EPHA7: variants seen among roughly 807,000 people sequenced by gnomAD.
The protein encoded by EPHA7 is ephrin type-A receptor 7.
A neutral mutation model predicts 112.6 loss-of-function variants in EPHA7; 25 were observed. The ratio of observed to expected loss-of-function variants is 0.22; its 90% confidence interval spans 0.16 to 0.31. The LOEUF is 0.31. EPHA7 is among the 10% of genes least tolerant of loss of function. The pLI, the probability that EPHA7 is intolerant of heterozygous loss-of-function variation, is 1.00. For synonymous variants in EPHA7, 437 were observed against 406.5 expected (o/e 1.07, Z -0.90); for missense variants, 962 against 1,212.6 (o/e 0.79, Z 3.07).
chr6:93,281,255 C>T (rs963651751), intron 5 of EPHA7, among the ~76,000 whole-genome samples: 4 of 152,168 alleles, frequency 2.6e-5, no homozygotes, highest in African/African-American at 7.2e-5. Flanking sequence ...ACAACACACA[C>T]TCTTTTCAAA....
intron 5 of EPHA7, among the ~76,000 whole-genome samples, chr6:93,286,463 T>C (rs1189325716): frequency 6.6e-6 from 1 of 152,050 alleles, no homozygotes; most frequent in Non-Finnish European, 1.5e-5. Context: ...CACTAAAAAA[T>C]ATGGTAAATA....
intron 6 of EPHA7, among the ~76,000 whole-genome samples, chr6:93,271,384 T>C (rs1771210133): frequency 6.6e-6 from 1 of 151,904 alleles, no homozygotes; most frequent in Non-Finnish European, 1.5e-5. Flanking sequence ...TAAGCTCCTA[T>C]TTTCTAATTC....
At chr6:93,282,611 T>C (rs1015417690) in intron 5 of EPHA7, among the ~76,000 whole-genome samples, 1 of 152,102 alleles carries the variant, frequency 6.6e-6, no homozygotes, top group African/African-American at 2.4e-5. Flanking sequence ...TGGCCAAGGC[T>C]GGAGCCGGCT....
intron 2 of EPHA7, among the ~76,000 whole-genome samples, chr6:93,413,015 A>C (rs902135026): frequency 6.6e-6 from 1 of 152,028 alleles, no homozygotes; most frequent in Non-Finnish European, 1.5e-5. Flanking sequence ...GAGACTACAT[A>C]AATTCATTTA....
chr6:93,400,872 C>T (rs952482910), intron 3 of EPHA7, among the ~76,000 whole-genome samples: 2 of 152,010 alleles, frequency 1.3e-5, no homozygotes, highest in Admixed American at 6.6e-5. Context: ...CTAGGTTATA[C>T]TAATGTAATA....
intron 5 of EPHA7, among the ~76,000 whole-genome samples, chr6:93,301,888 G>A (rs988516417): frequency 2.0e-5 from 3 of 152,088 alleles, no homozygotes; most frequent in Admixed American, 6.6e-5. Context: ...ACCCATAACA[G>A]TATAACCACA....
At chr6:93,342,590 TTAC>T (rs1457717241) in intron 5 of EPHA7, among the ~76,000 whole-genome samples, 2 of 151,764 alleles carry the variant, frequency 1.3e-5, no homozygotes, top group African/African-American at 4.8e-5. Flanking sequence ...AAGAAGTATT[TTAC>T]ATTGTCATTA....
At chr6:93,334,018 A>G (rs1774732985) in intron 5 of EPHA7, among the ~76,000 whole-genome samples, 1 of 151,988 alleles carries the variant, frequency 6.6e-6, no homozygotes, top group Non-Finnish European at 1.5e-5. Context: ...ACCAGACTTC[A>G]AACTATATTA....
chr6:93,386,575 G>C (rs576248088), intron 3 of EPHA7, among the ~76,000 whole-genome samples: 1 of 152,252 alleles, frequency 6.6e-6, no homozygotes. Context: ...TATGAATAAT[G>C]GTGGCCCTCT....
At chr6:93,406,579 C>T (rs1295752981) in intron 3 of EPHA7, among the ~76,000 whole-genome samples, 2 of 151,778 alleles carry the variant, frequency 1.3e-5, no homozygotes, top group Non-Finnish European at 2.9e-5. Context: ...TTATTAATAT[C>T]TCTGAGCTTC....
intron 1 of EPHA7, 39 bp from the exon 2 acceptor site, chr6:93,414,806 CACTT>C (rs1779145961): frequency 2.0e-6 from 3 of 1,498,294 alleles, no homozygotes; most frequent in African/African-American, 2.7e-5. Context: ...TTACATGAAA[CACTT>C]ACGCACACAT....
rs572579954 is a variant in EPHA7, at chr6:93,414,624, G to A, written c.162+79C>T. ...TAAACAGTTTATACATGAAGAGTGTGAATAATTACCCTGGAGGGAAGGGAA... is the reference window on the plus strand; with the variant it reads ...TAAACAGTTTATACATGAAGAGTGTAAATAATTACCCTGGAGGGAAGGGAA... On this transcript the variant is annotated intron_variant, in intron 2 of 16. Coordinates refer to ENST00000369303, the MANE Select transcript of EPHA7 (RefSeq NM_004440.4). 4.2e-4 allele frequency: 453 copies of A among 1,075,814 alleles called. 11 individuals carry two copies. The South Asian group carries it at 5.7e-3, about 13-fold the overall frequency. 66.6% of individuals were successfully genotyped at this position (1,075,814 alleles called of 1,614,324 possible).
rs532682349 is a variant in EPHA7, at chr6:93,327,094, CT to C, written c.1324+29622del. ...CCGAGCAGAGCTGAGTATCAGCCAC[CT>C]TTACTCTATAAATCAGTGCAGTCTA... On this transcript the variant is annotated intron_variant, in intron 5 of 16. Coordinates refer to ENST00000369303, the MANE Select transcript of EPHA7 (RefSeq NM_004440.4). 1.3e-3 allele frequency among the ~76,000 whole-genome samples: 201 copies of C among 151,624 alleles called. 3 individuals carry two copies. The highest frequency in any genetic ancestry group is 0.013 in the Admixed American group (192 of 15,164).
At chr6:93,302,421 A>T (rs1453261769) in intron 5 of EPHA7, among the ~76,000 whole-genome samples, 1 of 152,050 alleles carries the variant, frequency 6.6e-6, no homozygotes, top group African/African-American at 2.4e-5. Context: ...CTCCCATGGC[A>T]TAGCCTAGAC....
intron 3 of EPHA7, among the ~76,000 whole-genome samples, chr6:93,405,872 A>G (rs1388354808): frequency 1.4e-5 from 2 of 143,828 alleles, no homozygotes; most frequent in Non-Finnish European, 3.0e-5. Flanking sequence ...AATACTATAT[A>G]AAGACTCATT....
At chr6:93,309,323 C>T (rs938399619) in intron 5 of EPHA7, among the ~76,000 whole-genome samples, 1 of 152,188 alleles carries the variant, frequency 6.6e-6, no homozygotes, top group African/African-American at 2.4e-5. Flanking sequence ...GACTTTATTT[C>T]TGAAATTCTT....
rs1769723018 is a variant in EPHA7, at chr6:93,242,312, T to C, written c.*1114A>G. On this transcript the variant is annotated 3_prime_UTR_variant, in exon 17 of 17. Coordinates refer to ENST00000369303, the MANE Select transcript of EPHA7 (RefSeq NM_004440.4). ...GATATTCTGTGCAGCAAATTTGTGT[T>C]TAAATGGTGAAAATTGTGAACTGCC... The C allele has an allele frequency of 4.9e-6, 1 of 202,818 alleles. No individual in the cohort carries two copies. The highest frequency in any genetic ancestry group is 2.3e-5 in the African/African-American group (1 of 43,670). The allele number at this position is 202,818 out of a possible 1,614,324, so 12.6% of individuals were successfully genotyped here.
chr6:93,277,023 A>G (rs1425405211), intron 5 of EPHA7, among the ~76,000 whole-genome samples: 1 of 152,052 alleles, frequency 6.6e-6, no homozygotes, highest in East Asian at 1.9e-4. Context: ...TTAGATATCC[A>G]TTAGGTAAAT....
chr6:93,337,068 C>G (rs1774915106), intron 5 of EPHA7, among the ~76,000 whole-genome samples: 1 of 152,092 alleles, frequency 6.6e-6, no homozygotes, highest in African/African-American at 2.4e-5. Context: ...AATGCACAGT[C>G]AGTACAGTGA....
Sources: allele counts gnomAD v4.1 joint callset (sites outside exome capture counted in the v4.1 genomes callset), GRCh38; gene constraint gnomAD v4.1.1; transcripts MANE v1.5; gene names NCBI Gene and HGNC (gene_info 2026-07-23, HGNC 2026-07-21).